LINGO1: variants seen among roughly 807,000 people sequenced by gnomAD.
The protein encoded by LINGO1 is leucine rich repeat and Ig domain containing 1, also known as leucine-rich repeat and immunoglobulin-like domain-containing nogo receptor-interacting protein 1.
A neutral mutation model predicts 37.3 loss-of-function variants in LINGO1; 11 were observed. That is an observed-to-expected ratio of 0.29 (90% CI 0.19 to 0.49). LINGO1 has a LOEUF of 0.49. Among genes scored for constraint, LINGO1 ranks in the 20% least tolerant of loss-of-function variants. LINGO1 has a pLI of 0.99. For missense variants in LINGO1, 585 were observed against 878.2 expected (o/e 0.67, Z 4.22); for synonymous variants, 387 against 403.0 (o/e 0.96, Z 0.48).
chr15:77,735,513 C>T (rs1405808280), intron 1 of LINGO1, among the ~76,000 whole-genome samples: 1 of 152,192 alleles, frequency 6.6e-6, no homozygotes, highest in East Asian at 1.9e-4. Context: ...GGGCCACCTT[C>T]CCATGTCTGC....
At chr15:77,660,345 C>G (rs2074962764) in intron 3 of LINGO1, among the ~76,000 whole-genome samples, 1 of 152,184 alleles carries the variant, frequency 6.6e-6, no homozygotes, top group African/African-American at 2.4e-5. Flanking sequence ...TGTGATGATA[C>G]TCGGCGCCAA....
intron 1 of LINGO1, among the ~76,000 whole-genome samples, chr15:77,769,551 G>C (rs1567573425): frequency 1.3e-5 from 2 of 152,154 alleles, no homozygotes; most frequent in African/African-American, 2.4e-5. Flanking sequence ...CCCATATCCA[G>C]CCATACCCCA....
Position 77,614,251 on chromosome 15 carries a change from G to A in LINGO1, c.1656C>T (p.Phe552=). ...NSTRATVPFP[F]DIKTLIIATT... is the part of the protein sequence containing the mutation. ...TGGCGATGATGAGGGTCTTGATGTC[G>A]AAGGGGAAAGGCACAGTGGCGCGGG... The change falls in exon 2 of 2, where the codon TTC becomes TTT. Residue 552 remains phenylalanine (F), a synonymous_variant. Coordinates refer to ENST00000355300, the MANE Select transcript of LINGO1 (RefSeq NM_032808.7). 10 of 1,614,022 alleles carry A rather than the reference G, an allele frequency of 6.2e-6. No homozygotes were observed. Among genetic ancestry groups the A allele is most frequent in the Non-Finnish European group, 8.5e-6 (10 of 1,179,898 alleles).
intron 1 of LINGO1, among the ~76,000 whole-genome samples, chr15:77,804,240 C>A (rs2141467873): frequency 6.6e-6 from 1 of 152,286 alleles, no homozygotes; most frequent in South Asian, 2.1e-4. Context: ...GTGCCCCCAG[C>A]CCAAAGATCC....
chr15:77,796,100 G>C (rs1197526185), intron 1 of LINGO1: 1 of 152,422 alleles, frequency 6.6e-6, no homozygotes, highest in Non-Finnish European at 1.5e-5. Flanking sequence ...CAGGGCAGCA[G>C]GTGGTCGGGG....
At chr15:77,656,577 C>G (rs570420805) in intron 3 of LINGO1, among the ~76,000 whole-genome samples, 2 of 152,284 alleles carry the variant, frequency 1.3e-5, no homozygotes, top group South Asian at 2.1e-4. Flanking sequence ...TGGGCTGCAA[C>G]GGGGGCCATG....
At chr15:77,691,483 AGGGAAGGGATGTCCCTG>A (rs145316051) in intron 1 of LINGO1, among the ~76,000 whole-genome samples, 21,467 of 151,510 alleles carry the variant, frequency 0.14, 1,939 homozygotes, top group Non-Finnish European at 0.2. Context: ...TGCCATCCCT[AGGGAAGGGATGTCCCTG>A]GGGAAGGGAT....
chr15:77,750,182 G>A (rs1246430020), intron 1 of LINGO1, among the ~76,000 whole-genome samples: 2 of 151,422 alleles, frequency 1.3e-5, no homozygotes, highest in African/African-American at 4.9e-5. Flanking sequence ...ACTGCCCTCA[G>A]TATCCACCCC....
In LINGO1 at chr15:77,760,120, A is replaced by G. The variant is rs190496066; in HGVS notation, c.-256-25067T>C. Among the ~76,000 whole-genome samples, 1,101 of 152,326 alleles carry G rather than the reference A, an allele frequency of 7.2e-3. 13 individuals carry two copies. Among genetic ancestry groups the G allele is most frequent in the African/African-American group, 0.025 (1,038 of 41,566 alleles). Reference sequence around the variant, plus strand: ...CAATGACTCATGCCTGTTTCCCTGCAGCAGCCGTGTTTCTGGTTGTCATTC... The same window carrying G: ...CAATGACTCATGCCTGTTTCCCTGCGGCAGCCGTGTTTCTGGTTGTCATTC... On this transcript the variant is annotated intron_variant, in intron 1 of 3. Transcript: ENST00000561686.
chr15:77,738,439 G>A (rs1024185364), intron 1 of LINGO1, among the ~76,000 whole-genome samples: 3 of 151,980 alleles, frequency 2.0e-5, no homozygotes, highest in Non-Finnish European at 4.4e-5. Context: ...TTGCCCTCTC[G>A]CTCCTTCTAC....
intron 1 of LINGO1, among the ~76,000 whole-genome samples, chr15:77,693,563 A>C (rs2075641103): frequency 6.6e-6 from 1 of 152,180 alleles, no homozygotes; most frequent in African/African-American, 2.4e-5. Context: ...AAGTAACTGG[A>C]GGGTTTTAAC....
At chr15:77,818,091 G>A (rs1426931272) in intron 1 of LINGO1, among the ~76,000 whole-genome samples, 11 of 152,196 alleles carry the variant, frequency 7.2e-5, no homozygotes, top group Admixed American at 5.2e-4. Context: ...ATGGATGGGG[G>A]CTGCTTGGGA....
chr15:77,620,060 C>T (rs999322710), intron 1 of LINGO1, among the ~76,000 whole-genome samples: 2 of 151,892 alleles, frequency 1.3e-5, no homozygotes, highest in African/African-American at 2.4e-5. Context: ...GGCAGAGTCA[C>T]GTCTGCGGGG....
At chr15:77,622,197 A>T in intron 1 of LINGO1, among the ~76,000 whole-genome samples, 1 of 151,992 alleles carries the variant, frequency 6.6e-6, no homozygotes, top group East Asian at 1.9e-4. Flanking sequence ...TGATGGGGAG[A>T]GCAGGAGAGG....
chr15:77,750,088 C>A (rs1423862498), intron 1 of LINGO1, among the ~76,000 whole-genome samples: 1 of 152,120 alleles, frequency 6.6e-6, no homozygotes, highest in Non-Finnish European at 1.5e-5. Flanking sequence ...ACCCCTGGGG[C>A]TGAGTGAACA....
chr15:77,775,868 C>T (rs770761199), intron 1 of LINGO1, among the ~76,000 whole-genome samples: 2 of 152,182 alleles, frequency 1.3e-5, no homozygotes, highest in Non-Finnish European at 2.9e-5. Context: ...CAGCGGGCAC[C>T]CCACTGCCCC....
intron 1 of LINGO1, among the ~76,000 whole-genome samples, chr15:77,764,604 C>T (rs2076509086): frequency 6.6e-6 from 1 of 152,190 alleles, no homozygotes; most frequent in Admixed American, 6.5e-5. Flanking sequence ...TGAAGCTCAG[C>T]AGAGTTCCGA....
chr15:77,664,784 C>CT (rs2075094237), intron 3 of LINGO1, among the ~76,000 whole-genome samples: 1 of 152,316 alleles, frequency 6.6e-6, no homozygotes, highest in African/African-American at 2.4e-5. Flanking sequence ...GGACCCAGGC[C>CT]TGAGAGCAGC....
chr15:77,699,774 T>TGCATACAGTAAGCACATACTAACCA (rs2075757887), upstream of LINGO1, among the ~76,000 whole-genome samples: 24 of 9,082 alleles, frequency 2.6e-3, no homozygotes, highest in East Asian at 3.4e-3. Context: ...CTAACCATCA[T>TGCATACAGTAAGCACATACTAACCA]TCCCCCCCTC....
Sources: gnomAD v4.1 joint callset for allele counts (sites outside exome capture counted in the v4.1 genomes callset) on GRCh38, gnomAD v4.1.1 for gene constraint, MANE v1.5 for transcripts, NCBI Gene and HGNC (gene_info 2026-07-23, HGNC 2026-07-21) for gene names.